The following TBC1D4 variants were observed in gnomAD, a reference collection of about 807,000 sequenced individuals.
TBC1D4 encodes the protein TBC1 domain family member 4, also known as TBC (Tre-2, BUB2, CDC16) domain-containing protein.
TBC1D4 carries 121 observed loss-of-function variants against 142.5 expected under a neutral mutation model. The ratio of observed to expected loss-of-function variants is 0.85; its 90% CI spans 0.73 to 0.99. The LOEUF is 0.99. TBC1D4 is among the 50% of genes least tolerant of loss of function. The pLI is 0.00. For missense variants in TBC1D4, 1,475 were observed against 1,606.6 expected, an observed-to-expected ratio of 0.92 and a Z score of 1.40; for synonymous variants, 630 against 628.2, an observed-to-expected ratio of 1.00 and a Z score of -0.04.
chr13:75,341,127 A>T lies in TBC1D4; in HGVS notation c.1609T>A (p.Ser537Thr). The change falls in exon 7 of 21, where the codon TCT becomes ACT. Residue 537 changes from serine to threonine, a missense_variant and splice_region_variant. By Grantham distance (58) the Ser-to-Thr change is moderately conservative (BLOSUM62 1). Coordinates refer to ENST00000377636, the MANE Select transcript of TBC1D4 (RefSeq NM_014832.5). ...KTHVHIGEGPSTISNSTIPEN... is the reference protein window; with the variant it reads ...KTHVHIGEGPTTISNSTIPEN... ...TGAAGTAGGAAATATCTTCTCACAG[A>T]AGGGCCTTCCCCGATGTGCACGTGT... 6.2e-7 allele frequency: 1 copy of T among 1,613,022 alleles called. No homozygotes were observed. The highest frequency in any genetic ancestry group is 1.1e-5 in the South Asian group (1 of 90,998).
At chr13:75,345,528 C>T (rs144881895) in intron 5 of TBC1D4, among the ~76,000 whole-genome samples, 9 of 152,186 alleles carry the variant, frequency 5.9e-5, no homozygotes, top group South Asian at 4.1e-4. Flanking sequence ...AGAGTCCCTT[C>T]GAGATTTTGG....
At position 75,458,257 on chromosome 13, in the gene TBC1D4, G is replaced by C. The variant is rs572401781; in HGVS notation, c.498+23013C>G. The stretch of plus-strand genomic sequence containing the variant: ...AGTGGGAAGATGGTCTTCCCCTGGA[G>C]TTCGGCTGTCCCCTGGCCAATCTCT... On this transcript the variant is annotated intron_variant, in intron 1 of 20. Transcript: ENST00000377636. 2.3e-3 allele frequency among the ~76,000 whole-genome samples: 348 copies of C among 152,250 alleles called. 1 individual carries two copies. The highest frequency in any genetic ancestry group is 4.1e-3 in the South Asian group (20 of 4,822).
intron 12 of TBC1D4, among the ~76,000 whole-genome samples, chr13:75,315,369 T>TATATACAC (rs1555302423): frequency 2.9e-5 from 4 of 137,824 alleles, no homozygotes; most frequent in East Asian, 2.1e-4. Flanking sequence ...TATATATATA[T>TATATACAC]ACACACACAC....
intron 1 of TBC1D4, among the ~76,000 whole-genome samples, chr13:75,398,918 C>G (rs1048643454): frequency 1.3e-5 from 2 of 152,132 alleles, no homozygotes; most frequent in African/African-American, 4.8e-5. Flanking sequence ...AACCTGACAC[C>G]CAGCCTAAAG....
chr13:75,404,017 G>A (rs1467169406), intron 1 of TBC1D4, among the ~76,000 whole-genome samples: 2 of 149,680 alleles, frequency 1.3e-5, no homozygotes, highest in Admixed American at 6.6e-5. Context: ...TATAGGTGGT[G>A]TAACTGTAAA....
At chr13:75,437,375 T>G (rs1284268701) in intron 1 of TBC1D4, among the ~76,000 whole-genome samples, 1 of 152,232 alleles carries the variant, frequency 6.6e-6, no homozygotes, top group Non-Finnish European at 1.5e-5. Flanking sequence ...AGGAGAACTA[T>G]ATTGTGAGAG....
chr13:75,410,360 A>G (rs1885586197), intron 1 of TBC1D4, among the ~76,000 whole-genome samples: 1 of 152,198 alleles, frequency 6.6e-6, no homozygotes. Context: ...AAACGCCAGA[A>G]CAGTGCTTCT....
At chr13:75,371,764 T>G (rs1883235536) in intron 1 of TBC1D4, among the ~76,000 whole-genome samples, 1 of 152,160 alleles carries the variant, frequency 6.6e-6, no homozygotes, top group African/African-American at 2.4e-5. Flanking sequence ...AATGAACCCA[T>G]GTAGGTAAAA....
chr13:75,344,272 T>C (rs1340399979), intron 5 of TBC1D4, among the ~76,000 whole-genome samples: 1 of 152,214 alleles, frequency 6.6e-6, no homozygotes, highest in Non-Finnish European at 1.5e-5. Context: ...GTGACTAACA[T>C]GGAAGATAAA....
chr13:75,353,398 T>C (rs1422487762), intron 4 of TBC1D4, among the ~76,000 whole-genome samples: 2 of 152,164 alleles, frequency 1.3e-5, no homozygotes, highest in African/African-American at 4.8e-5. Flanking sequence ...AATGCAGTCA[T>C]TCAATCACTC....
chr13:75,309,690 T>C (rs559489751), intron 14 of TBC1D4, among the ~76,000 whole-genome samples: 1 of 152,346 alleles, frequency 6.6e-6, no homozygotes, highest in East Asian at 1.9e-4. Context: ...TCTAAGAGTT[T>C]CTTAAGTCTT....
intron 1 of TBC1D4, among the ~76,000 whole-genome samples, chr13:75,444,854 T>C (rs548761723): frequency 1.3e-5 from 2 of 152,360 alleles, no homozygotes; most frequent in East Asian, 3.9e-4. Context: ...ATTTCTCTAC[T>C]TTTTATTTCA....
Position 75,351,064 on chromosome 13 carries a change from A to T in TBC1D4, c.1276-1762T>A, listed in dbSNP as rs556689442. Among the ~76,000 whole-genome samples, 32 of 152,344 alleles carry T rather than the reference A, an allele frequency of 2.1e-4. No homozygotes were observed. The South Asian group carries it at 2.7e-3, about 13-fold the overall frequency. On this transcript the variant is annotated intron_variant, in intron 4 of 20. Coordinates refer to ENST00000377636, the MANE Select transcript of TBC1D4 (RefSeq NM_014832.5). ...AAAGGTTAAAAGCAAAGGAATGGGCAAAGATAAATCAATCATACACCAACA... is the reference window on the plus strand; with the variant it reads ...AAAGGTTAAAAGCAAAGGAATGGGCTAAGATAAATCAATCATACACCAACA...
intron 1 of TBC1D4, among the ~76,000 whole-genome samples, chr13:75,436,727 G>T (rs1886815560): frequency 6.6e-6 from 1 of 151,814 alleles, no homozygotes; most frequent in African/African-American, 2.4e-5. Context: ...ATCATCAATG[G>T]ACACTAATGG....
intron 1 of TBC1D4, among the ~76,000 whole-genome samples, chr13:75,456,544 G>A (rs1887743202): frequency 2.0e-5 from 3 of 152,022 alleles, no homozygotes; most frequent in Admixed American, 1.3e-4. Flanking sequence ...ATATGAAAAG[G>A]TGCTTAGCAC....
At chr13:75,320,079 A>T (rs764806429) in intron 11 of TBC1D4, 42 bp from the exon 12 acceptor site, 1 of 1,607,906 alleles carries the variant, frequency 6.2e-7, no homozygotes, top group Non-Finnish European at 8.5e-7. Flanking sequence ...AGCACACACA[A>T]ATATGTCCAA....
chr13:75,394,483 C>G (rs904022134), intron 1 of TBC1D4, among the ~76,000 whole-genome samples: 1 of 152,110 alleles, frequency 6.6e-6, no homozygotes, highest in African/African-American at 2.4e-5. Context: ...TGTATTAAAT[C>G]AGATCTGCCA....
chr13:75,338,386 A>G (rs1593752247), intron 7 of TBC1D4, among the ~76,000 whole-genome samples: 1 of 152,200 alleles, frequency 6.6e-6, no homozygotes, highest in East Asian at 1.9e-4. Flanking sequence ...AGATAAACAA[A>G]TGTGACAAAA....
chr13:75,359,956 A>G (rs1280693269), intron 2 of TBC1D4, 98 bp from the exon 3 acceptor site: 1 of 935,716 alleles, frequency 1.1e-6, no homozygotes, highest in African/African-American at 1.6e-5. Flanking sequence ...TTCAAATGCA[A>G]TATCCCAGAT....
Sources: allele counts gnomAD v4.1 joint callset (sites outside exome capture counted in the v4.1 genomes callset), GRCh38; gene constraint gnomAD v4.1.1; transcripts MANE v1.5; gene names NCBI Gene and HGNC (gene_info 2026-07-23, HGNC 2026-07-21).